SEMA4D: variants seen among roughly 807,000 people sequenced by gnomAD.
SEMA4D encodes semaphorin-4D.
A neutral mutation model predicts 74.8 loss-of-function variants in SEMA4D; 22 were observed. The observed-to-expected ratio is 0.29, with a 90% CI of 0.21 to 0.42. SEMA4D has a LOEUF of 0.42. Ranked by LOEUF, SEMA4D falls within the 10% of genes least tolerant of loss-of-function variation. The pLI is 1.00. For missense variants in SEMA4D, 937 were observed against 1,118.4 expected (o/e 0.84, Z 2.31); for synonymous variants, 445 against 463.7 (o/e 0.96, Z 0.52).
At chr9:89,451,767 A>G (rs1196403848) in intron 2 of SEMA4D, among the ~76,000 whole-genome samples, 1 of 101,364 alleles carries the variant, frequency 9.9e-6, no homozygotes, top group Non-Finnish European at 2.5e-5. Flanking sequence ...TTGCTCATTT[A>G]AAAAAAAAAG....
At chr9:89,395,123 T>A (rs1331585523) in intron 6 of SEMA4D, among the ~76,000 whole-genome samples, 2 of 152,190 alleles carry the variant, frequency 1.3e-5, no homozygotes, top group Admixed American at 6.5e-5. Context: ...AAAACTTTTA[T>A]TAAAAATATT....
At chr9:89,444,217 C>A (rs951028590) in intron 2 of SEMA4D, among the ~76,000 whole-genome samples, 1 of 152,230 alleles carries the variant, frequency 6.6e-6, no homozygotes, top group African/African-American at 2.4e-5. Context: ...TGGCCTCCCT[C>A]CCCACCTCCA....
chr9:89,470,208 T>C (rs975134256), intron 1 of SEMA4D, among the ~76,000 whole-genome samples: 7 of 152,118 alleles, frequency 4.6e-5, no homozygotes, highest in African/African-American at 1.4e-4. Flanking sequence ...AAGCTAAAGA[T>C]TGAGAGAAAA....
At chr9:89,362,698 G>T (rs1832883321) in intron 18 of SEMA4D, among the ~76,000 whole-genome samples, 1 of 152,268 alleles carries the variant, frequency 6.6e-6, no homozygotes, top group African/African-American at 2.4e-5. Context: ...GTGTGCTGAA[G>T]TACAGAGGAT....
intron 1 of SEMA4D, among the ~76,000 whole-genome samples, chr9:89,464,834 G>A (rs992308647): frequency 6.6e-6 from 1 of 152,010 alleles, no homozygotes; most frequent in Non-Finnish European, 1.5e-5. Flanking sequence ...GGTGTGGGGG[G>A]AGGGTGCGGA....
At position 89,378,635 on chromosome 9, in the gene SEMA4D, G is replaced by C. The variant is rs1167222995; in HGVS notation, c.*69C>G. Reference sequence around the variant, plus strand: ...TGCACGAGACTCGGATACTGAACAGGAGAAACACAAAACTCTCCACGCCTG... The same window carrying C: ...TGCACGAGACTCGGATACTGAACAGCAGAAACACAAAACTCTCCACGCCTG... On this transcript the variant is annotated 3_prime_UTR_variant, in exon 16 of 16. Coordinates refer to ENST00000422704, the MANE Select transcript of SEMA4D (RefSeq NM_001371194.2). The C allele has an allele frequency of 3.2e-6, 4 of 1,241,712 alleles. No individual in the cohort carries two copies. Among genetic ancestry groups the C allele is most frequent in the Non-Finnish European group, 4.7e-6 (4 of 858,678 alleles). 76.9% of individuals were successfully genotyped at this position (1,241,712 alleles called of 1,614,324 possible).
In SEMA4D at chr9:89,392,515, G is replaced by A. The variant is rs899736803; in HGVS notation, c.530C>T (p.Thr177Met). Residue 177 changes from threonine to methionine, a missense_variant, in exon 8 of 16, where the codon ACG becomes ATG. Physicochemically the swap from Thr to Met is moderately conservative, Grantham distance 81. Transcript: ENST00000422704. Reference sequence around the variant, plus strand: ...TTCACTTCCCAAAAAATTATACGACGTCCCCGAATAAAGTTCTCCATCTGC... The same window carrying A: ...TTCACTTCCCAAAAAATTATACGACATCCCCGAATAAAGTTCTCCATCTGC... ...VMVDGELYSG[T>M]SYNFLGSEPI... The A allele has an allele frequency of 4.3e-6, 7 of 1,613,424 alleles. No individual in the cohort carries two copies. The Admixed American group carries it at 5.0e-5, about 12-fold the overall frequency.
At chr9:89,486,540 A>T (rs1825213853) in intron 1 of SEMA4D, among the ~76,000 whole-genome samples, 1 of 152,220 alleles carries the variant, frequency 6.6e-6, no homozygotes, top group African/African-American at 2.4e-5. Flanking sequence ...AACTGACTCA[A>T]ACAGAAACAG....
chr9:89,379,637 A>T lies in SEMA4D; in HGVS notation c.1664-8T>A, dbSNP rs1337418690. The T allele has an allele frequency of 1.9e-6, 3 of 1,600,604 alleles. No individual in the cohort carries two copies. In the African/African-American group the frequency reaches 4.0e-5, roughly 22 times the overall value. ...AACTTCCTTTACTTTTATCTGGAAC[A>T]TCAAAATAAACGTGCACAGCGTCAA... On this transcript the variant is annotated splice_polypyrimidine_tract_variant and splice_region_variant and intron_variant, in intron 15 of 15. Coordinates refer to ENST00000422704, the MANE Select transcript of SEMA4D (RefSeq NM_001371194.2).
At chr9:89,372,446 G>A (rs1041437105), downstream of SEMA4D, among the ~76,000 whole-genome samples, 2 of 151,590 alleles carry the variant, frequency 1.3e-5, no homozygotes, top group Admixed American at 6.6e-5. Flanking sequence ...CGTCCTTCAC[G>A]GCTGGTACCA....
At chr9:89,387,363 C>T in intron 12 of SEMA4D, 23 bp downstream of exon 12, 1 of 1,580,482 alleles carries the variant, frequency 6.3e-7, no homozygotes. Flanking sequence ...CACTGTCAAG[C>T]CTGCCAAGCC....
chr9:89,479,995 C>A (rs369533824), intron 1 of SEMA4D: 1 of 152,156 alleles, frequency 6.6e-6, no homozygotes, highest in Non-Finnish European at 1.5e-5. Context: ...CTGATTGGTG[C>A]GTTTACAATC....
chr9:89,431,721 T>A (rs989309256), intron 2 of SEMA4D, among the ~76,000 whole-genome samples: 1 of 151,994 alleles, frequency 6.6e-6, no homozygotes, highest in Non-Finnish European at 1.5e-5. Context: ...TGGCTTTGAA[T>A]TCCTAGGCTC....
intron 2 of SEMA4D, among the ~76,000 whole-genome samples, chr9:89,428,648 C>T (rs1053031225): frequency 1.3e-5 from 2 of 152,232 alleles, no homozygotes; most frequent in Non-Finnish European, 2.9e-5. Context: ...ACTCTGCACA[C>T]GGCCTGGCCC....
At chr9:89,386,275 G>A in intron 13 of SEMA4D, 92 bp downstream of exon 13, 3 of 1,112,808 alleles carry the variant, frequency 2.7e-6, no homozygotes, top group Non-Finnish European at 3.9e-6. Context: ...GCCTGCCCAG[G>A]AGCCCGACTC....
intron 16 of SEMA4D, among the ~76,000 whole-genome samples, chr9:89,371,079 T>TG (rs1834576724): frequency 3.4e-5 from 2 of 59,314 alleles, no homozygotes; most frequent in Non-Finnish European, 6.2e-5. Flanking sequence ...GTGTGGGGTG[T>TG]GTGTTATGTC....
chr9:89,450,683 A>AAAAAAAAAAAAAC (rs1854247656), intron 2 of SEMA4D: 1 of 863,898 alleles, frequency 1.2e-6, no homozygotes, highest in Admixed American at 2.4e-5. Flanking sequence ...AAAAAAAAAA[A>AAAAAAAAAAAAAC]AAAAGGCCTC....
At position 89,391,183 on chromosome 9, in the gene SEMA4D, C is replaced by T. The variant is rs538338645; in HGVS notation, c.774+81G>A. The T allele has an allele frequency of 6.2e-4, 858 of 1,390,176 alleles. 1 individual carries two copies. Among genetic ancestry groups the T allele is most frequent in the Non-Finnish European group, 8.1e-4 (809 of 995,172 alleles). The allele number at this position is 1,390,176 out of a possible 1,614,324, so 86.1% of individuals were successfully genotyped here. ...GTGCTAGGGAAAGTGACATTTGAGA[C>T]GAAGGTCAGGAGCCACCCATCATCC... On this transcript the variant is annotated intron_variant, in intron 9 of 15. Transcript: ENST00000422704.
At chr9:89,364,595 C>G (rs114377821) in intron 16 of SEMA4D, 1,904 of 158,460 alleles carry the variant, frequency 0.012, 41 homozygotes, top group African/African-American at 0.043. Flanking sequence ...TGAGCATGGA[C>G]TCTGGGCCCG....
Sources: allele counts gnomAD v4.1 joint callset (sites outside exome capture counted in the v4.1 genomes callset), GRCh38; gene constraint gnomAD v4.1.1; transcripts MANE v1.5; gene names NCBI Gene and HGNC (gene_info 2026-07-23, HGNC 2026-07-21).